Variants in SNX25 observed in about 807,000 individuals in gnomAD.
The protein encoded by SNX25 is sorting nexin-25.
SNX25 carries 62 observed loss-of-function variants against 113.7 expected under a neutral mutation model. That is an observed-to-expected ratio of 0.55 (90% CI 0.44 to 0.67). The LOEUF is 0.67. Among genes scored for constraint, SNX25 ranks in the 30% least tolerant of loss-of-function variants. The pLI is 0.00. For missense variants in SNX25, 1,014 were observed against 1,161.0 expected (o/e 0.87, Z 1.84); for synonymous variants, 421 against 436.2 (o/e 0.97, Z 0.43).
chr4:185,271,258 T>C (rs575562719), intron 5 of SNX25, among the ~76,000 whole-genome samples: 1 of 152,334 alleles, frequency 6.6e-6, no homozygotes, highest in East Asian at 1.9e-4. Flanking sequence ...TTGGATTAGA[T>C]AATCGAGCTT....
intron 1 of SNX25, among the ~76,000 whole-genome samples, chr4:185,223,523 C>T (rs866785975): frequency 4.6e-5 from 7 of 152,202 alleles, no homozygotes; most frequent in Middle Eastern, 3.4e-3. Flanking sequence ...TCACGGTGGC[C>T]GGGGGCGGCG....
At chr4:185,325,598 A>AT (rs1450327052) in intron 9 of SNX25, among the ~76,000 whole-genome samples, 1 of 151,522 alleles carries the variant, frequency 6.6e-6, no homozygotes, top group African/African-American at 2.4e-5. Flanking sequence ...TGGTTTAATT[A>AT]TTTGCATACA....
At chr4:185,316,412 T>C (rs565397620) in intron 7 of SNX25, among the ~76,000 whole-genome samples, 1 of 152,332 alleles carries the variant, frequency 6.6e-6, no homozygotes, top group East Asian at 1.9e-4. Context: ...GAAACCTACA[T>C]GTATCTACCT....
chr4:185,241,599 ATTTT>A (rs977906104), intron 1 of SNX25, among the ~76,000 whole-genome samples: 1 of 107,654 alleles, frequency 9.3e-6, no homozygotes, highest in African/African-American at 3.9e-5. Context: ...GGACAGGTGT[ATTTT>A]TTTTTTTACA....
At chr4:185,240,486 C>T (rs1291792395) in intron 1 of SNX25, among the ~76,000 whole-genome samples, 2 of 150,576 alleles carry the variant, frequency 1.3e-5, no homozygotes, top group Admixed American at 6.6e-5. Context: ...AGAGGCGCCC[C>T]TCACCTCCCG....
At chr4:185,361,866 G>A in intron 16 of SNX25, 58 bp from the exon 17 acceptor site, 1 of 1,549,216 alleles carries the variant, frequency 6.5e-7, no homozygotes, top group Non-Finnish European at 8.8e-7. Context: ...AGTGCCTTTT[G>A]AGAATAGAGT....
intron 1 of SNX25, among the ~76,000 whole-genome samples, chr4:185,233,489 G>C (rs1035557584): frequency 6.6e-6 from 1 of 152,166 alleles, no homozygotes; most frequent in African/African-American, 2.4e-5. Flanking sequence ...ATAGAAGCCA[G>C]TGATAAAATA....
Position 185,310,620 on chromosome 4 carries a change from T to C in SNX25, c.1163-15T>C, listed in dbSNP as rs751577543. On this transcript the variant is annotated splice_polypyrimidine_tract_variant and intron_variant, in intron 6 of 18. Transcript: ENST00000652585. The stretch of plus-strand genomic sequence containing the variant: ...TTGTCCTCTGACCAGGTACTGTTTC[T>C]CACTCCTATTCAAGGTAAAGAAACT... 3 of 1,609,226 alleles carry C rather than the reference T, an allele frequency of 1.9e-6. No homozygotes were observed. In the East Asian group the frequency reaches 6.7e-5, roughly 36 times the overall value.
intron 7 of SNX25, among the ~76,000 whole-genome samples, chr4:185,312,227 A>G (rs1445941864): frequency 1.3e-5 from 2 of 152,182 alleles, no homozygotes; most frequent in Non-Finnish European, 2.9e-5. Flanking sequence ...GCTAGGTACT[A>G]GGATTAAAAA....
intron 9 of SNX25, 110 bp downstream of exon 9, chr4:185,323,910 A>G (rs1305141343): frequency 5.4e-6 from 6 of 1,114,822 alleles, no homozygotes; most frequent in Middle Eastern, 2.6e-4. Flanking sequence ...ATCTTTTAAT[A>G]TACAGGACCT....
chr4:185,324,913 G>T (rs2095145656), intron 9 of SNX25, among the ~76,000 whole-genome samples: 1 of 152,104 alleles, frequency 6.6e-6, no homozygotes, highest in South Asian at 2.1e-4. Flanking sequence ...GATGTTTTTG[G>T]GTAGTTGCTG....
At chr4:185,376,747 G>C in the SNX25 span, among the ~76,000 whole-genome samples, 11 of 152,154 alleles carry the variant, frequency 7.2e-5, no homozygotes, top group Non-Finnish European at 1.3e-4. Flanking sequence ...AGCTCCTCAA[G>C]CTGGCAGCAC....
intron 14 of SNX25, 47 bp downstream of exon 14, chr4:185,351,656 A>G (rs2095315349): frequency 3.8e-6 from 6 of 1,589,546 alleles, no homozygotes; most frequent in Non-Finnish European, 5.1e-6. Flanking sequence ...ATTTCAGCAG[A>G]TACTAAGCTC....
At chr4:185,259,236 T>A (rs964898681) in intron 3 of SNX25, among the ~76,000 whole-genome samples, 172 bp downstream of exon 3, 15 of 152,130 alleles carry the variant, frequency 9.9e-5, no homozygotes, top group Non-Finnish European at 1.6e-4. Context: ...TTTTTTTTTT[T>A]ACTTTATGCT....
At chr4:185,302,416 G>C (rs1428962047) in intron 6 of SNX25, among the ~76,000 whole-genome samples, 3 of 152,076 alleles carry the variant, frequency 2.0e-5, no homozygotes, top group African/African-American at 7.2e-5. Flanking sequence ...CTCCCCCTGT[G>C]GGATCTGGCA....
rs147378798 is a variant in SNX25 at position 185,248,957 on chromosome 4, A to C, written c.514+1579A>C. On this transcript the variant is annotated intron_variant, in intron 2 of 18. Coordinates refer to ENST00000652585, the MANE Select transcript of SNX25 (RefSeq NM_001378034.2). ...CTCTTTCACTCAGCATAATGTTTTT[A>C]GATTCATCCATATTGTGTATATCAG... is the stretch of plus-strand genomic sequence containing the variant. Among the ~76,000 whole-genome samples, 6 of 152,308 alleles carry C rather than the reference A, an allele frequency of 3.9e-5. No individual in the cohort carries two copies. The East Asian group carries it at 1.2e-3, about 29-fold the overall frequency.
At chr4:185,225,141 T>C (rs1372839626) in intron 1 of SNX25, among the ~76,000 whole-genome samples, 8 of 148,794 alleles carry the variant, frequency 5.4e-5, no homozygotes, top group Admixed American at 4.8e-4. Context: ...TTTTTTGAGA[T>C]GGAGTCTCGC....
chr4:185,281,539 T>G (rs988502622), intron 5 of SNX25, among the ~76,000 whole-genome samples: 2 of 152,178 alleles, frequency 1.3e-5, no homozygotes, highest in African/African-American at 4.8e-5. Context: ...GAGCTCACAT[T>G]CTTTACTACT....
chr4:185,252,636 G>GC (rs1269980989), intron 2 of SNX25, among the ~76,000 whole-genome samples: 1 of 152,082 alleles, frequency 6.6e-6, no homozygotes, highest in African/African-American at 2.4e-5. Context: ...ACCACATAAG[G>GC]CATGTGTGTG....
Sources: gnomAD v4.1 joint callset for allele counts (sites outside exome capture counted in the v4.1 genomes callset) on GRCh38, gnomAD v4.1.1 for gene constraint, MANE v1.5 for transcripts, NCBI Gene and HGNC (gene_info 2026-07-23, HGNC 2026-07-21) for gene names.